TAFA2: variants seen among roughly 807,000 people sequenced by gnomAD.
The protein encoded by TAFA2 is chemokine-like protein TAFA-2.
A neutral mutation model predicts 18.8 loss-of-function variants in TAFA2; 7 were observed. The ratio of observed to expected loss-of-function variants is 0.37; its 90% confidence interval spans 0.21 to 0.70. TAFA2 has a LOEUF of 0.70. TAFA2 is among the 30% of genes least tolerant of loss of function. The pLI, the probability that TAFA2 is intolerant of heterozygous loss-of-function variation, is 0.53. For synonymous variants in TAFA2, 60 were observed against 54.2 expected (o/e 1.11, Z -0.47); for missense variants, 122 against 158.1 (o/e 0.77, Z 1.23).
Position 62,052,886 on chromosome 12 carries a change from G to T in TAFA2, c.-2+138373C>A, listed in dbSNP as rs547722054. On this transcript the variant is annotated intron_variant, in intron 1 of 4. Transcript: ENST00000416284. ...AGATCATTTCTTTAAAAGTTATTTA[G>T]TTATTTATTTGAATCTTTACTGAGA... Among the ~76,000 whole-genome samples, 14 of 152,272 alleles carry T rather than the reference G, an allele frequency of 9.2e-5. No homozygotes were observed. In the East Asian group the frequency reaches 2.3e-3, roughly 25 times the overall value.
In TAFA2 at chr12:62,038,308, C is replaced by T. The variant is rs369306009; in HGVS notation, c.-2+152951G>A. On this transcript the variant is annotated intron_variant, in intron 1 of 4. Coordinates refer to ENST00000416284, the MANE Select transcript of TAFA2 (RefSeq NM_178539.5). ...TTTCTTGACTATAATAACTATTTCA[C>T]TATATGTATATTAAAATACCATGTA... 7.7e-4 allele frequency among the ~76,000 whole-genome samples: 117 copies of T among 152,290 alleles called. 1 individual carries two copies. The highest frequency in any genetic ancestry group is 2.9e-3 in the South Asian group (14 of 4,824).
chr12:61,761,694 G>A (rs1869553327), intron 2 of TAFA2, among the ~76,000 whole-genome samples: 1 of 152,044 alleles, frequency 6.6e-6, no homozygotes, highest in African/African-American at 2.4e-5. Flanking sequence ...ACACAGAAAT[G>A]TAAGTTGGCC....
chr12:62,114,808 C>T (rs1869889442), intron 1 of TAFA2, among the ~76,000 whole-genome samples: 3 of 152,184 alleles, frequency 2.0e-5, no homozygotes, highest in South Asian at 2.1e-4. Flanking sequence ...TTACCAGGCA[C>T]ATTTATACAA....
intron 1 of TAFA2, among the ~76,000 whole-genome samples, chr12:62,184,376 C>T (rs2062570925): frequency 6.6e-6 from 1 of 151,944 alleles, no homozygotes; most frequent in South Asian, 2.1e-4. Flanking sequence ...CAGAAACTAT[C>T]TGCTAGATTT....
chr12:61,897,889 C>T (rs1341349074), intron 1 of TAFA2, among the ~76,000 whole-genome samples: 2 of 152,172 alleles, frequency 1.3e-5, no homozygotes, highest in African/African-American at 4.8e-5. Context: ...TCATCTGAGA[C>T]AAGGCAAGTC....
At chr12:62,033,389 A>C (rs915341202) in intron 1 of TAFA2, among the ~76,000 whole-genome samples, 8 of 152,114 alleles carry the variant, frequency 5.3e-5, no homozygotes, top group Non-Finnish European at 1.2e-4. Flanking sequence ...CACAGACTAC[A>C]TCGGCCCTTA....
intron 1 of TAFA2, among the ~76,000 whole-genome samples, chr12:62,052,321 G>A (rs1215229454): frequency 6.6e-6 from 1 of 152,106 alleles, no homozygotes; most frequent in Non-Finnish European, 1.5e-5. Flanking sequence ...AGCCTCTCAA[G>A]TAGCTGGACT....
At chr12:61,839,465 A>T (rs897320068) in intron 2 of TAFA2, among the ~76,000 whole-genome samples, 2 of 152,060 alleles carry the variant, frequency 1.3e-5, no homozygotes, top group African/African-American at 4.8e-5. Context: ...GTTTATCATA[A>T]CACTACTCAC....
intron 4 of TAFA2, among the ~76,000 whole-genome samples, chr12:61,733,880 T>C (rs368693075): frequency 0.034 from 5,118 of 148,500 alleles, 214 homozygotes; most frequent in African/African-American, 0.12. Flanking sequence ...GCCATTTTCA[T>C]GATATTGATT....
At chr12:61,836,583 A>T (rs886601475) in intron 2 of TAFA2, among the ~76,000 whole-genome samples, 1 of 151,696 alleles carries the variant, frequency 6.6e-6, no homozygotes, top group Non-Finnish European at 1.5e-5. Context: ...TACACTGAGT[A>T]ACTTATTCCT....
chr12:62,043,393 T>C (rs531633318), intron 1 of TAFA2, among the ~76,000 whole-genome samples: 1 of 151,226 alleles, frequency 6.6e-6, no homozygotes, highest in African/African-American at 2.4e-5. Flanking sequence ...TGTTCTCACT[T>C]ACAGGTGGGA....
chr12:62,099,009 G>A (rs1167424690), intron 1 of TAFA2, among the ~76,000 whole-genome samples: 1 of 151,960 alleles, frequency 6.6e-6, no homozygotes, highest in Non-Finnish European at 1.5e-5. Context: ...CAAACTAGAT[G>A]GCATATTTTA....
At chr12:61,793,201 G>C (rs1871054241) in intron 2 of TAFA2, among the ~76,000 whole-genome samples, 1 of 151,322 alleles carries the variant, frequency 6.6e-6, no homozygotes, top group South Asian at 2.1e-4. Context: ...TTAAGAAACT[G>C]TAAAAAGGGG....
intron 2 of TAFA2, among the ~76,000 whole-genome samples, chr12:61,846,616 T>C (rs1873415336): frequency 6.6e-6 from 1 of 152,162 alleles, no homozygotes. Context: ...TTCCATAAAA[T>C]AAAGGTTAAC....
At chr12:61,886,071 A>C (rs1263662429) in intron 1 of TAFA2, among the ~76,000 whole-genome samples, 1 of 152,194 alleles carries the variant, frequency 6.6e-6, no homozygotes, top group Non-Finnish European at 1.5e-5. Context: ...ATAATTGGTT[A>C]ATAGGCTATG....
chr12:62,096,075 A>C (rs561981890), intron 1 of TAFA2, among the ~76,000 whole-genome samples: 2 of 152,254 alleles, frequency 1.3e-5, no homozygotes, highest in South Asian at 4.1e-4. Flanking sequence ...ATTACCATAA[A>C]GCCAGCATCC....
intron 1 of TAFA2, among the ~76,000 whole-genome samples, chr12:61,886,740 C>T (rs1875400048): frequency 6.6e-6 from 1 of 152,206 alleles, no homozygotes; most frequent in Non-Finnish European, 1.5e-5. Flanking sequence ...TTGTCTTATA[C>T]TGTTACCTCT....
intron 4 of TAFA2, among the ~76,000 whole-genome samples, chr12:61,731,594 T>C (rs1211501362): frequency 7.7e-6 from 1 of 130,440 alleles, no homozygotes; most frequent in Non-Finnish European, 1.7e-5. Context: ...TCTCAGATCA[T>C]AATTGTTGCA....
intron 2 of TAFA2, among the ~76,000 whole-genome samples, chr12:61,862,079 T>A (rs992455133): frequency 6.6e-6 from 1 of 152,130 alleles, no homozygotes; most frequent in Non-Finnish European, 1.5e-5. Context: ...GAAATCTAGT[T>A]TGGATGTGAT....
Sources: gnomAD v4.1 joint callset for allele counts (sites outside exome capture counted in the v4.1 genomes callset) on GRCh38, gnomAD v4.1.1 for gene constraint, MANE v1.5 for transcripts, NCBI Gene and HGNC (gene_info 2026-07-23, HGNC 2026-07-21) for gene names.